CCDC88C: variants seen among roughly 807,000 people sequenced by gnomAD.
The protein encoded by CCDC88C is coiled-coil and HOOK domain protein 88C, also known as protein Daple.
CCDC88C carries 131 observed loss-of-function variants against 198.8 expected under a neutral mutation model. The ratio of observed to expected loss-of-function variants is 0.66; its 90% CI spans 0.57 to 0.76. CCDC88C has a LOEUF of 0.76. Among genes scored for constraint, CCDC88C ranks in the 30% least tolerant of loss-of-function variants. CCDC88C has a pLI of 0.00. For synonymous variants in CCDC88C, 1,166 were observed against 1,114.7 expected (o/e 1.05, Z -0.92); for missense variants, 2,553 against 2,631.6 (o/e 0.97, Z 0.65).
At chr14:91,292,205 T>G (rs1045787321) in intron 23 of CCDC88C, among the ~76,000 whole-genome samples, 2 of 152,190 alleles carry the variant, frequency 1.3e-5, no homozygotes, top group African/African-American at 4.8e-5. Flanking sequence ...CGTGTGCTGG[T>G]GTTCTGTGCT....
At position 91,408,678 on chromosome 14, in the gene CCDC88C, T is replaced by G; in HGVS notation, c.251A>C (p.Asn84Thr). The change falls in exon 3 of 30, where the codon AAC becomes ACC. Residue 84 changes from asparagine to threonine, a missense_variant. Coordinates refer to ENST00000389857, the MANE Select transcript of CCDC88C (RefSeq NM_001080414.4). ...RIQNLTILVRNIKTYYQEVLQ... is the reference protein window; with the variant it reads ...RIQNLTILVRTIKTYYQEVLQ... The stretch of plus-strand genomic sequence containing the variant: ...CCTTACCTGGTAGTAGGTCTTAATG[T>G]TTCTCACCAAGATGGTCAAATTCTG... The G allele has an allele frequency of 1.2e-6, 2 of 1,609,914 alleles. No homozygotes were observed. The highest frequency in any genetic ancestry group is 1.7e-6 in the Non-Finnish European group (2 of 1,176,162).
At chr14:91,301,291 C>T (rs1187707717) in intron 20 of CCDC88C, among the ~76,000 whole-genome samples, 1 of 152,148 alleles carries the variant, frequency 6.6e-6, no homozygotes, top group Non-Finnish European at 1.5e-5. Flanking sequence ...AGCAAGGGAG[C>T]CTCCAGTCAT....
At chr14:91,327,694 A>G (rs1892635607) in intron 10 of CCDC88C, among the ~76,000 whole-genome samples, 1 of 152,186 alleles carries the variant, frequency 6.6e-6, no homozygotes, top group Non-Finnish European at 1.5e-5. Flanking sequence ...AACACAAGCC[A>G]GAGCACAATG....
In CCDC88C at chr14:91,340,024, C is replaced by A; in HGVS notation, c.484G>T (p.Val162Leu). The change falls in exon 7 of 30, where the codon GTG becomes TTG. Residue 162 changes from valine to leucine, a missense_variant and splice_region_variant. Physicochemically the swap from Val to Leu is conservative, Grantham distance 32 (BLOSUM62 1). This residue lies in a region of CCDC88C where 1,260 missense variants were observed against 1,412.0 expected (regional missense o/e 0.89). Coordinates refer to ENST00000389857, the MANE Select transcript of CCDC88C (RefSeq NM_001080414.4). ...QAGIVAHIQE[V>L]THNQENVFDL... is the part of the protein sequence containing the mutation. ...AACACGTTCTCTTGGTTGTGAGTCA[C>A]CTGTGGGCACACATGGCAGGGCACT... is the stretch of plus-strand genomic sequence containing the variant. The A allele has an allele frequency of 8.7e-6, 14 of 1,609,570 alleles. No individual in the cohort carries two copies. Among genetic ancestry groups the A allele is most frequent in the Non-Finnish European group, 1.2e-5 (14 of 1,178,542 alleles).
chr14:91,349,386 G>A (rs1893685599), intron 4 of CCDC88C, among the ~76,000 whole-genome samples: 2 of 152,200 alleles, frequency 1.3e-5, no homozygotes, highest in Admixed American at 1.3e-4. Context: ...CAGCACATGC[G>A]AAGGCCAAGA....
At chr14:91,417,532 C>T in intron 1 of CCDC88C, 99 bp downstream of exon 1, 3 of 1,143,488 alleles carry the variant, frequency 2.6e-6, no homozygotes, top group South Asian at 1.4e-5. Context: ...GCCCCGGAGC[C>T]ACCCGGGGCC....
chr14:91,310,519 C>T (rs1056787280), intron 15 of CCDC88C, among the ~76,000 whole-genome samples: 2 of 152,142 alleles, frequency 1.3e-5, no homozygotes, highest in Non-Finnish European at 2.9e-5. Context: ...TCAGGTGATC[C>T]TCCACCTCAG....
intron 29 of CCDC88C, among the ~76,000 whole-genome samples, chr14:91,276,951 T>G (rs916747961): frequency 6.6e-6 from 1 of 152,208 alleles, no homozygotes; most frequent in Non-Finnish European, 1.5e-5. Context: ...CCTGTGAGAA[T>G]AGTTGCTACA....
Position 91,273,324 on chromosome 14 carries a change from G to C in CCDC88C, c.5388C>G (p.Ser1796Arg). Residue 1796 changes from serine (S) to arginine (R), a missense_variant, in exon 30 of 30, where the codon AGC becomes AGG. Ser to Arg is a moderately radical substitution (Grantham distance 110). Coordinates refer to ENST00000389857, the MANE Select transcript of CCDC88C (RefSeq NM_001080414.4). This position sits in a 1 kb window ranked among gnomAD's most constrained non-coding sequence, Gnocchi z 5.6. ...PVPPASHAPASRSASLSRAFS... is the reference protein window; with the variant it reads ...PVPPASHAPARRSASLSRAFS... ...AGGCCCGGCTCAAGGAGGCACTGCG[G>C]CTGGCAGGTGCATGGGAAGCTGGGG... The C allele has an allele frequency of 6.4e-7, 1 of 1,552,532 alleles. No individual in the cohort carries two copies. The highest frequency in any genetic ancestry group is 8.7e-7 in the Non-Finnish European group (1 of 1,147,132).
At position 91,414,354 on chromosome 14, in the gene CCDC88C, T is replaced by G. The variant is rs531216764; in HGVS notation, c.161+2384A>C. Reference sequence around the variant, plus strand: ...GACATGCCCAGTGTCACACTGCTGGTAAAAGGGAGGCCAAGGGTTTGAATC... The same window carrying G: ...GACATGCCCAGTGTCACACTGCTGGGAAAAGGGAGGCCAAGGGTTTGAATC... On this transcript the variant is annotated intron_variant, in intron 2 of 29. Transcript: ENST00000389857. Among the ~76,000 whole-genome samples the G allele has an allele frequency of 1.6e-3, 243 of 152,186 alleles. 1 individual carries two copies. Among genetic ancestry groups the G allele is most frequent in the African/African-American group, 5.7e-3 (237 of 41,520 alleles).
At chr14:91,286,799 C>T (rs1478089234) in intron 25 of CCDC88C, among the ~76,000 whole-genome samples, 1 of 152,218 alleles carries the variant, frequency 6.6e-6, no homozygotes, top group African/African-American at 2.4e-5. Context: ...AGAGCTCAGG[C>T]TCCGGAGTGC....
intron 2 of CCDC88C, among the ~76,000 whole-genome samples, chr14:91,410,734 T>C (rs902870355): frequency 6.6e-6 from 1 of 152,236 alleles, no homozygotes; most frequent in African/African-American, 2.4e-5. Context: ...TGAAAATCAA[T>C]TTCACAGTGA....
chr14:91,397,660 A>C (rs1211450032), intron 3 of CCDC88C, among the ~76,000 whole-genome samples: 1 of 151,758 alleles, frequency 6.6e-6, no homozygotes, highest in Non-Finnish European at 1.5e-5. Context: ...TCCCTGTTCC[A>C]CCCTCCGCCC....
chr14:91,273,151 T>C lies in CCDC88C; in HGVS notation c.5561A>G (p.His1854Arg), dbSNP rs1237224001. 1.5e-5 allele frequency: 23 copies of C among 1,581,276 alleles called. No homozygotes were observed. The highest frequency in any genetic ancestry group is 1.8e-5 in the Non-Finnish European group (21 of 1,164,020). The change falls in exon 30 of 30, where the codon CAT (histidine) becomes CGT (arginine). Residue 1854 changes from histidine (H) to arginine (R), a missense_variant. Coordinates refer to ENST00000389857, the MANE Select transcript of CCDC88C (RefSeq NM_001080414.4). The surrounding 1 kb of genome is among the most constrained non-coding windows in gnomAD (Gnocchi z 5.6). ...TGGGGTCCGCTCCCGGGCCAGGCTA[T>C]GGGAGCTGGGGGGTGCGGGGCTTTG... ...TLQSPAPPSS[H>R]SLARERTPLV...
chr14:91,329,675 T>C (rs1276159881), intron 10 of CCDC88C, among the ~76,000 whole-genome samples: 2 of 152,250 alleles, frequency 1.3e-5, no homozygotes, highest in Non-Finnish European at 2.9e-5. Context: ...GGGCAAGTTA[T>C]TAATTAATCA....
At chr14:91,403,421 C>T (rs1408766130) in intron 3 of CCDC88C, among the ~76,000 whole-genome samples, 3 of 152,212 alleles carry the variant, frequency 2.0e-5, no homozygotes, top group East Asian at 1.9e-4. Flanking sequence ...GACAAGGCGC[C>T]GGACTGAAGG....
chr14:91,412,251 G>A (rs1190188744), intron 2 of CCDC88C, among the ~76,000 whole-genome samples: 1 of 151,748 alleles, frequency 6.6e-6, no homozygotes, highest in Admixed American at 6.6e-5. Context: ...ACAATAGCAA[G>A]AGTCCATATT....
At chr14:91,274,296 C>T (rs993397747) in intron 29 of CCDC88C, among the ~76,000 whole-genome samples, 1 of 152,128 alleles carries the variant, frequency 6.6e-6, no homozygotes, top group Non-Finnish European at 1.5e-5. Flanking sequence ...ATGAAGACAC[C>T]AGGAAGGCCC....
Position 91,338,046 on chromosome 14 carries a change from C to T in CCDC88C, c.1009G>A (p.Glu337Lys), listed in dbSNP as rs1893129651. The T allele has an allele frequency of 1.2e-6, 2 of 1,613,374 alleles. No individual in the cohort carries two copies. The highest frequency in any genetic ancestry group is 1.3e-5 in the African/African-American group (1 of 74,942). The change falls in exon 10 of 30, where the codon GAG becomes AAG. Residue 337 changes from glutamate to lysine, a missense_variant. By Grantham distance (56) the Glu-to-Lys change is moderately conservative. Coordinates refer to ENST00000389857, the MANE Select transcript of CCDC88C (RefSeq NM_001080414.4). The surrounding 1 kb of genome is among the most constrained non-coding windows in gnomAD (Gnocchi z 4.8). ...RLELELTRCK[E>K]KLHDVDFYKA... ...TAGAAGTCCACGTCGTGCAGCTTCT[C>T]CTTGCAGCGGGTCAGCTCCAGCTCC...
Sources: gnomAD v4.1 joint callset for allele counts (sites outside exome capture counted in the v4.1 genomes callset) on GRCh38, gnomAD v4.1.1 for gene constraint, gnomAD v4.1.1 regional missense constraint, Gnocchi (gnomAD v3.1) non-coding constraint, MANE v1.5 for transcripts, NCBI Gene and HGNC (gene_info 2026-07-23, HGNC 2026-07-21) for gene names.